The following CCDC175 variants were observed in gnomAD, a reference collection of about 807,000 sequenced individuals.
CCDC175 encodes coiled-coil domain containing 175.
CCDC175 carries 100 observed loss-of-function variants against 114.6 expected under a neutral mutation model. The observed-to-expected ratio is 0.87, with a 90% CI of 0.74 to 1.03. The LOEUF (loss-of-function observed/expected upper bound fraction) is 1.03, where lower values mean the gene tolerates loss of function less well. Among genes scored for constraint, CCDC175 ranks in the 50% least tolerant of loss-of-function variants. CCDC175 has a pLI of 0.00. For missense variants in CCDC175, 880 were observed against 917.8 expected (o/e 0.96, Z 0.53); for synonymous variants, 306 against 308.7 (o/e 0.99, Z 0.09).
chr14:59,521,433 A>G (rs932182939), intron 17 of CCDC175, 141 bp downstream of exon 17: 2 of 556,662 alleles, frequency 3.6e-6, no homozygotes, highest in African/African-American at 1.9e-5. Flanking sequence ...CTCAACTTGC[A>G]GAAGACCTAT....
chr14:59,510,581 G>A, intron 19 of CCDC175, 65 bp downstream of exon 19: 2 of 1,472,096 alleles, frequency 1.4e-6, no homozygotes, highest in South Asian at 2.4e-5. Flanking sequence ...TTCTTTTGAT[G>A]TTACCAGCTA....
intron 8 of CCDC175, among the ~76,000 whole-genome samples, chr14:59,550,867 T>G (rs1895431071): frequency 6.6e-6 from 1 of 152,142 alleles, no homozygotes; most frequent in Non-Finnish European, 1.5e-5. Context: ...GACTCAAATG[T>G]TAATCTCCTT....
Position 59,531,804 on chromosome 14 carries a change from C to T in CCDC175, c.1730G>A (p.Arg577Lys). The change falls in exon 14 of 20, where the codon AGA becomes AAA. Residue 577 changes from arginine to lysine, a missense_variant. Physicochemically the swap from Arg to Lys is conservative, Grantham distance 26. Coordinates refer to ENST00000537690, the MANE Select transcript of CCDC175 (RefSeq NM_001164399.2). ...VAEQEYKEKR[R>K]KLEELSNIIT... ...AATATTACTGAGCTCTTCTAACTTT[C>T]TTCTTTTCTCTTTATACTCTTGTTC... 1 of 1,498,752 alleles carries T rather than the reference C, an allele frequency of 6.7e-7. No homozygotes were observed. Among genetic ancestry groups the T allele is most frequent in the South Asian group, 1.3e-5 (1 of 79,812 alleles). The allele number at this position is 1,498,752 out of a possible 1,614,324, so 92.8% of individuals were successfully genotyped here.
chr14:59,526,654 T>C (rs577537987), intron 15 of CCDC175, among the ~76,000 whole-genome samples: 10 of 152,296 alleles, frequency 6.6e-5, no homozygotes, highest in African/African-American at 2.4e-4. Context: ...TCACCAACTG[T>C]TGATTGTAAA....
At chr14:59,566,266 C>T (rs1218350881) in intron 4 of CCDC175, among the ~76,000 whole-genome samples, 1 of 152,130 alleles carries the variant, frequency 6.6e-6, no homozygotes, top group African/African-American at 2.4e-5. Context: ...ATTTTGTCTA[C>T]CCAGAGGCTA....
At chr14:59,510,536 G>T in intron 19 of CCDC175, 110 bp downstream of exon 19, 1 of 1,030,206 alleles carries the variant, frequency 9.7e-7, no homozygotes, top group Non-Finnish European at 1.5e-6. Flanking sequence ...GGCATAATTG[G>T]GGATAACTAA....
At chr14:59,554,885 C>G (rs1465722859) in intron 7 of CCDC175, among the ~76,000 whole-genome samples, 2 of 152,038 alleles carry the variant, frequency 1.3e-5, no homozygotes, top group East Asian at 1.9e-4. Flanking sequence ...ATAAATTCCT[C>G]GACACATACA....
At chr14:59,570,773 G>A (rs1482000312) in intron 3 of CCDC175, among the ~76,000 whole-genome samples, 2 of 152,026 alleles carry the variant, frequency 1.3e-5, no homozygotes, top group East Asian at 1.9e-4. Context: ...ATGAAGTCTC[G>A]CTCTGTCACC....
intron 14 of CCDC175, among the ~76,000 whole-genome samples, chr14:59,529,897 CT>C (rs1417532604): frequency 3.3e-5 from 5 of 152,130 alleles, no homozygotes; most frequent in Non-Finnish European, 1.5e-5. Flanking sequence ...TCTTATGTTC[CT>C]TTTACTTCTT....
At chr14:59,519,140 G>T (rs1299381812) in intron 17 of CCDC175, among the ~76,000 whole-genome samples, 2 of 152,066 alleles carry the variant, frequency 1.3e-5, no homozygotes, top group African/African-American at 4.8e-5. Flanking sequence ...GACACAGGAA[G>T]GGGAACATCA....
intron 13 of CCDC175, among the ~76,000 whole-genome samples, chr14:59,536,495 G>A (rs760053850): frequency 1.3e-5 from 2 of 151,772 alleles, no homozygotes; most frequent in Non-Finnish European, 2.9e-5. Context: ...CAGAGTTTTT[G>A]CCTGTTTTTC....
At chr14:59,521,774 C>A in intron 16 of CCDC175, 98 bp from the exon 17 acceptor site, 1 of 682,430 alleles carries the variant, frequency 1.5e-6, no homozygotes, top group Middle Eastern at 3.4e-4. Flanking sequence ...TCCTCCTCTG[C>A]GCCACCCACT....
chr14:59,569,840 G>A (rs1345750607), intron 3 of CCDC175, among the ~76,000 whole-genome samples: 1 of 152,200 alleles, frequency 6.6e-6, no homozygotes, highest in African/African-American at 2.4e-5. Flanking sequence ...ATTAGGGAAT[G>A]GGTGGTAAGA....
At chr14:59,511,548 T>TAAAAAAAAAAAAAAAAAA (rs34490884) in intron 18 of CCDC175, among the ~76,000 whole-genome samples, 1 of 94,646 alleles carries the variant, frequency 1.1e-5, no homozygotes, top group Non-Finnish European at 2.0e-5. Context: ...TGATATTTGG[T>TAAAAAAAAAAAAAAAAAA]AAAAAAAAAA....
chr14:59,552,546 T>TA (rs1430764129), intron 7 of CCDC175, among the ~76,000 whole-genome samples: 2 of 152,150 alleles, frequency 1.3e-5, no homozygotes. Flanking sequence ...CTGAAAATTC[T>TA]AAAAATCAGA....
chr14:59,556,030 G>C (rs932347405), intron 7 of CCDC175, among the ~76,000 whole-genome samples: 2 of 152,122 alleles, frequency 1.3e-5, no homozygotes, highest in African/African-American at 4.8e-5. Flanking sequence ...CATGAAAATG[G>C]CCATACTGCC....
rs1893824799 is a variant in CCDC175 at position 59,527,619 on chromosome 14, T to C, written c.1763-445A>G. On this transcript the variant is annotated intron_variant, in intron 14 of 19. Transcript: ENST00000537690. Reference sequence around the variant, plus strand: ...CCAAATGGTATAATATGATTAGATTTTCTTTTTAGTATAATTTTTGTTTTT... The same window carrying C: ...CCAAATGGTATAATATGATTAGATTCTCTTTTTAGTATAATTTTTGTTTTT... Among the ~76,000 whole-genome samples the C allele has an allele frequency of 2.0e-5, 3 of 152,176 alleles. No individual in the cohort carries two copies. In the South Asian group the frequency reaches 6.2e-4, roughly 32 times the overall value.
intron 16 of CCDC175, among the ~76,000 whole-genome samples, chr14:59,524,312 G>A (rs111237243): frequency 2.1e-5 from 3 of 144,282 alleles, no homozygotes; most frequent in Non-Finnish European, 3.0e-5. Context: ...ATGTTAAAAC[G>A]AATACATTTT....
intron 17 of CCDC175, among the ~76,000 whole-genome samples, chr14:59,520,074 CTTCAACGAGCTCTG>C (rs1209581282): frequency 1.3e-5 from 2 of 152,226 alleles, no homozygotes; most frequent in Non-Finnish European, 2.9e-5. Context: ...ATTTAGTTGT[CTTCAACGAGCTCTG>C]ATCAAATTGC....
Sources: gnomAD v4.1 joint callset for allele counts (sites outside exome capture counted in the v4.1 genomes callset) on GRCh38, gnomAD v4.1.1 for gene constraint, MANE v1.5 for transcripts, NCBI Gene and HGNC (gene_info 2026-07-23, HGNC 2026-07-21) for gene names.